Variants in NXN observed in about 807,000 individuals in gnomAD.
NXN encodes the protein nucleoredoxin, also known as nucleoredoxin 1.
Under a neutral mutation model 48.6 loss-of-function variants are expected in NXN, and 16 were observed. The ratio of observed to expected loss-of-function variants is 0.33; its 90% CI spans 0.22 to 0.50. The LOEUF is 0.50. NXN is among the 20% of genes least tolerant of loss of function. The pLI is 0.98. For missense variants in NXN, 492 were observed against 605.5 expected (o/e 0.81, Z 1.97); for synonymous variants, 281 against 269.6 (o/e 1.04, Z -0.41).
intron 1 of NXN, among the ~76,000 whole-genome samples, chr17:934,644 T>G (rs200105829): frequency 6.6e-6 from 1 of 151,532 alleles, no homozygotes; most frequent in Non-Finnish European, 1.5e-5. Flanking sequence ...GAGGCCAAGG[T>G]GGGTGGATCA....
In NXN at chr17:958,880, CATG is replaced by C. The variant is rs778520242; in HGVS notation, c.360+20436_360+20438del. Among the ~76,000 whole-genome samples, 1 of 152,078 alleles carries C rather than the reference CATG, an allele frequency of 6.6e-6. No homozygotes were observed. Among genetic ancestry groups the C allele is most frequent in the Non-Finnish European group, 1.5e-5 (1 of 68,018 alleles). On this transcript the variant is annotated intron_variant, in intron 1 of 7. Transcript: ENST00000336868. The surrounding 1 kb of genome is among the most constrained non-coding windows in gnomAD (Gnocchi z 6.9). ...CCAGGAGGTCAGGGCTGCAGTGAGT[CATG>C]ATCACACTACTGTGCTCCAGCCTGG...
chr17:828,815 G>C lies in NXN; in HGVS notation c.361-2737C>G, dbSNP rs530172767. On this transcript the variant is annotated intron_variant, in intron 1 of 7. Coordinates refer to ENST00000336868, the MANE Select transcript of NXN (RefSeq NM_022463.5). ...CAAGACCATCCTGCCACGGGGATCA[G>C]CTTCATAAGTTTGCTGTACAAGGAC... Among the ~76,000 whole-genome samples the C allele has an allele frequency of 2.8e-4, 42 of 152,222 alleles. No individual in the cohort carries two copies. In the East Asian group the frequency reaches 7.9e-3, roughly 29 times the overall value.
intron 1 of NXN, among the ~76,000 whole-genome samples, chr17:904,630 G>A (rs1055939432): frequency 6.6e-6 from 1 of 152,092 alleles, no homozygotes; most frequent in Non-Finnish European, 1.5e-5. Flanking sequence ...TGCAACCTCT[G>A]CCTCCCGGGT....
chr17:911,793 C>A (rs1357096135), intron 1 of NXN, among the ~76,000 whole-genome samples: 1 of 149,584 alleles, frequency 6.7e-6, no homozygotes, highest in African/African-American at 2.5e-5. Flanking sequence ...AATGTCTAAC[C>A]AAAGTTTCAT....
At chr17:974,237 G>C (rs2069428508) in intron 1 of NXN, among the ~76,000 whole-genome samples, 1 of 151,678 alleles carries the variant, frequency 6.6e-6, no homozygotes, top group Admixed American at 6.6e-5. Flanking sequence ...TGTAGTCCCA[G>C]CTACTCAGGA....
chr17:878,880 A>G (rs2144829319), intron 1 of NXN, among the ~76,000 whole-genome samples: 1 of 152,096 alleles, frequency 6.6e-6, no homozygotes, highest in South Asian at 2.1e-4. Context: ...GAATGCGTAG[A>G]CAGGCCAGGT....
intron 1 of NXN, among the ~76,000 whole-genome samples, chr17:875,023 ACTACCTTTTTT>A (rs1472683762): frequency 2.0e-5 from 3 of 152,002 alleles, no homozygotes; most frequent in East Asian, 3.9e-4. Context: ...CTTTATATAT[ACTACCTTTTTT>A]CTTTTTTTTT....
chr17:810,202 AGTGG>A (rs1911887865), intron 5 of NXN, among the ~76,000 whole-genome samples: 2 of 79,548 alleles, frequency 2.5e-5, no homozygotes, highest in Non-Finnish European at 5.0e-5. Context: ...CGAGTCTGTG[AGTGG>A]CGTGCACGTT....
chr17:918,567 C>T lies in NXN; in HGVS notation c.360+60752G>A, dbSNP rs149420022. Among the ~76,000 whole-genome samples the T allele has an allele frequency of 3.9e-3, 593 of 152,052 alleles. 1 individual carries two copies. The highest frequency in any genetic ancestry group is 6.8e-3 in the Middle Eastern group (2 of 292). ...TCCCAGAAAGTGAGGCCGAGGCGGG[C>T]GGATCACCTGAGGCCAACAGTTCAA... is the stretch of plus-strand genomic sequence containing the variant. On this transcript the variant is annotated intron_variant, in intron 1 of 7. Transcript: ENST00000336868.
intron 6 of NXN, among the ~76,000 whole-genome samples, chr17:804,372 TC>T (rs1247182240): frequency 3.5e-5 from 5 of 141,970 alleles, no homozygotes; most frequent in Non-Finnish European, 6.0e-5. Context: ...AACTTCTGCC[TC>T]CCCGGTTCAA....
At chr17:801,794 T>G (rs998501012) in intron 7 of NXN, among the ~76,000 whole-genome samples, 7 of 152,176 alleles carry the variant, frequency 4.6e-5, no homozygotes, top group African/African-American at 1.7e-4. Context: ...CTGTCAATGA[T>G]TTGCAGCCCC....
At position 931,618 on chromosome 17, in the gene NXN, T is replaced by C. The variant is rs1387153735; in HGVS notation, c.360+47701A>G. On this transcript the variant is annotated intron_variant, in intron 1 of 7. Coordinates refer to ENST00000336868, the MANE Select transcript of NXN (RefSeq NM_022463.5). ...TTGGGAGGCCGAGGTGGGCGGATCGTGAGGTCAGGAGATCGAGACCATCCC... is the reference window on the plus strand; with the variant it reads ...TTGGGAGGCCGAGGTGGGCGGATCGCGAGGTCAGGAGATCGAGACCATCCC... 2.4e-5 allele frequency among the ~76,000 whole-genome samples: 3 copies of C among 127,280 alleles called. No individual in the cohort carries two copies. The East Asian group carries it at 7.9e-4, about 33-fold the overall frequency. 83.5% of individuals were successfully genotyped at this position (127,280 alleles called of 152,430 possible).
intron 1 of NXN, among the ~76,000 whole-genome samples, chr17:912,328 A>G (rs897014218): frequency 1.3e-5 from 2 of 152,116 alleles, no homozygotes; most frequent in African/African-American, 4.8e-5. Context: ...TTGAGGGTCA[A>G]CCGTATTTGT....
chr17:951,558 TGGGGGC>T (rs1163968571), intron 1 of NXN, among the ~76,000 whole-genome samples: 1 of 1,370 alleles, frequency 7.3e-4, no homozygotes, highest in African/African-American at 5.1e-3. Flanking sequence ...AAATGCGAGC[TGGGGGC>T]GGGGGCGGGG....
At chr17:872,248 G>GAGGGAGGA (rs556456165) in intron 1 of NXN, among the ~76,000 whole-genome samples, 124 of 151,298 alleles carry the variant, frequency 8.2e-4, no homozygotes, top group South Asian at 4.6e-3. Flanking sequence ...CGGAGGGAGG[G>GAGGGAGGA]AGGGAGGAAC....
At chr17:843,467 A>T (rs983105329) in intron 1 of NXN, among the ~76,000 whole-genome samples, 5 of 152,204 alleles carry the variant, frequency 3.3e-5, no homozygotes, top group Admixed American at 3.3e-4. Context: ...GACAGAAGGG[A>T]TTTCCTAAAG....
chr17:803,030 G>A (rs947985978), intron 7 of NXN, among the ~76,000 whole-genome samples: 1 of 152,208 alleles, frequency 6.6e-6, no homozygotes, highest in Non-Finnish European at 1.5e-5. Flanking sequence ...CACCTGTGCT[G>A]AGTCGCGGAG....
At chr17:839,696 G>A (rs913492704) in intron 1 of NXN, among the ~76,000 whole-genome samples, 1 of 151,012 alleles carries the variant, frequency 6.6e-6, no homozygotes, top group African/African-American at 2.4e-5. Flanking sequence ...CAGCTACGCA[G>A]GAGGTTGAGG....
At chr17:831,257 C>G (rs1217896908) in intron 1 of NXN, among the ~76,000 whole-genome samples, 2 of 151,048 alleles carry the variant, frequency 1.3e-5, no homozygotes, top group Non-Finnish European at 2.9e-5. Flanking sequence ...CCCAGGACTT[C>G]AAGACCAGCC....
Sources: gnomAD v4.1 joint callset for allele counts (sites outside exome capture counted in the v4.1 genomes callset) on GRCh38, gnomAD v4.1.1 for gene constraint, Gnocchi (gnomAD v3.1) non-coding constraint, MANE v1.5 for transcripts, NCBI Gene and HGNC (gene_info 2026-07-23, HGNC 2026-07-21) for gene names.